The following PDE3B variants were observed in gnomAD, a reference collection of about 807,000 sequenced individuals.
The protein encoded by PDE3B is cGMP-inhibited 3',5'-cyclic phosphodiesterase 3B.
In PDE3B, 66 loss-of-function variants were observed where a neutral mutation model predicts 116.8. That is an observed-to-expected ratio of 0.56 (90% CI 0.46 to 0.69). The LOEUF is 0.69. Ranked by LOEUF, PDE3B falls within the 30% of genes least tolerant of loss-of-function variation. PDE3B has a pLI of 0.00. For synonymous variants in PDE3B, 595 were observed against 533.6 expected (o/e 1.12, Z -1.59); for missense variants, 1,384 against 1,368.1 (o/e 1.01, Z -0.18).
At chr11:14,733,746 G>A (rs528603948) in intron 1 of PDE3B, among the ~76,000 whole-genome samples, 46 of 152,156 alleles carry the variant, frequency 3.0e-4, no homozygotes, top group Admixed American at 2.9e-3. Flanking sequence ...AAAGAAAAAA[G>A]GTAGGAAAGA....
chr11:14,893,240 G>A, the PDE3B span, among the ~76,000 whole-genome samples: 17 of 152,206 alleles, frequency 1.1e-4, no homozygotes, highest in Non-Finnish European at 2.4e-4. Flanking sequence ...GAAGAGCAAT[G>A]ACATGGAAAT....
intron 1 of PDE3B, among the ~76,000 whole-genome samples, chr11:14,738,979 G>C (rs1261072333): frequency 6.6e-6 from 1 of 152,186 alleles, no homozygotes; most frequent in Non-Finnish European, 1.5e-5. Context: ...TTTGGTACTA[G>C]TACCATGCTG....
chr11:14,857,518 A>G (rs1434695835), intron 12 of PDE3B, among the ~76,000 whole-genome samples: 5 of 151,992 alleles, frequency 3.3e-5, no homozygotes, highest in African/African-American at 7.3e-5. Flanking sequence ...TACTCTTCAT[A>G]TAGGCTTTTT....
rs1859396490 is a variant in PDE3B at position 14,818,302 on chromosome 11, A to C, written c.1642A>C (p.Ser548Arg). 1.1e-5 allele frequency: 18 copies of C among 1,613,458 alleles called. No individual in the cohort carries two copies. The highest frequency in any genetic ancestry group is 1.4e-5 in the Non-Finnish European group (17 of 1,179,544). Residue 548 changes from serine (S) to arginine (R), a missense_variant, in exon 6 of 16, where the codon AGC becomes CGC. By Grantham distance (110) the Ser-to-Arg change is moderately radical. Coordinates refer to ENST00000282096, the MANE Select transcript of PDE3B (RefSeq NM_000922.4). ...PDTADFLNKPSVILQRSLGNA... is the reference protein window; with the variant it reads ...PDTADFLNKPRVILQRSLGNA... ...TACTGCTGATTTTCTTAATAAGCCA[A>C]GCGTTATCTTGCAGAGATCTCTGGG...
chr11:14,872,093 G>T (rs1291252446), downstream of PDE3B: 2 of 152,092 alleles, frequency 1.3e-5, no homozygotes, highest in Admixed American at 1.3e-4. Context: ...TACTTACTTT[G>T]TTGGTGCTAT....
chr11:14,809,148 A>G (rs947446427), intron 5 of PDE3B, among the ~76,000 whole-genome samples: 1 of 152,198 alleles, frequency 6.6e-6, no homozygotes, highest in South Asian at 2.1e-4. Context: ...TGGCATAGAG[A>G]TATTTCTATT....
chr11:14,702,204 A>C (rs966627319), intron 1 of PDE3B, among the ~76,000 whole-genome samples: 2 of 151,514 alleles, frequency 1.3e-5, no homozygotes, highest in Non-Finnish European at 3.0e-5. Context: ...CATAGTTTTA[A>C]TTTCTTAGAG....
intron 1 of PDE3B, among the ~76,000 whole-genome samples, chr11:14,663,792 G>C (rs1854022078): frequency 6.6e-6 from 1 of 152,236 alleles, no homozygotes; most frequent in South Asian, 2.1e-4. Context: ...AACCTACAAA[G>C]AGACTTAGAC....
intron 14 of PDE3B, 126 bp downstream of exon 14, chr11:14,861,492 A>T: frequency 1.2e-6 from 1 of 834,866 alleles, no homozygotes; most frequent in Non-Finnish European, 1.9e-6. Flanking sequence ...AGGGTTAAAA[A>T]TTGTTGCATT....
intron 14 of PDE3B, among the ~76,000 whole-genome samples, chr11:14,866,433 C>T (rs1457088516): frequency 6.6e-6 from 1 of 152,102 alleles, no homozygotes; most frequent in African/African-American, 2.4e-5. Context: ...ATTATACTGT[C>T]TTTAGATGCC....
chr11:14,871,245 CTTTA>C lies in PDE3B; in HGVS notation c.*1592_*1595del, dbSNP rs1555009033. 3.3e-5 allele frequency: 5 copies of C among 152,244 alleles called. No individual in the cohort carries two copies. Among genetic ancestry groups the C allele is most frequent in the African/African-American group, 2.4e-5 (1 of 41,554 alleles). 9.4% of individuals were successfully genotyped at this position (152,244 alleles called of 1,614,324 possible). ...TGTCAATATTTAATGAATCACTAAG[CTTTA>C]TTTATTAGACGTGTTGAGTGAGTGC... On this transcript the variant is annotated 3_prime_UTR_variant, in exon 16 of 16. Transcript: ENST00000282096.
At chr11:14,885,718 T>C in the PDE3B span, 1 of 1,564,094 alleles carries the variant, frequency 6.4e-7, no homozygotes, top group Non-Finnish European at 8.8e-7. Context: ...AAACTTAAAA[T>C]AAGGAATGTG....
chr11:14,736,579 T>G (rs1477245099), intron 1 of PDE3B, among the ~76,000 whole-genome samples: 1 of 152,230 alleles, frequency 6.6e-6, no homozygotes, highest in Non-Finnish European at 1.5e-5. Context: ...AGAAAAGTAC[T>G]TGATTGATTG....
chr11:14,772,726 G>GA (rs889121212), intron 2 of PDE3B: 6 of 151,818 alleles, frequency 4.0e-5, no homozygotes, highest in Admixed American at 2.0e-4. Context: ...CAGATAAAAT[G>GA]AAAATAGAAG....
chr11:14,745,864 A>T (rs186920721), intron 1 of PDE3B, among the ~76,000 whole-genome samples: 53 of 152,276 alleles, frequency 3.5e-4, no homozygotes, highest in Non-Finnish European at 6.3e-4. Flanking sequence ...CCTGAATCTG[A>T]ATCAGGTAAC....
chr11:14,857,573 A>G (rs1206595748), intron 12 of PDE3B, among the ~76,000 whole-genome samples: 16 of 151,778 alleles, frequency 1.1e-4, no homozygotes, highest in Admixed American at 3.9e-4. Flanking sequence ...ATCCATTCTC[A>G]TTTTCACCAT....
At chr11:14,760,208 A>G (rs1215642353) in intron 1 of PDE3B, among the ~76,000 whole-genome samples, 1 of 152,176 alleles carries the variant, frequency 6.6e-6, no homozygotes, top group Non-Finnish European at 1.5e-5. Flanking sequence ...GGTTGTTTCA[A>G]GTTTTAAGTG....
rs560769577 is a variant in PDE3B, at chr11:14,741,532, C to T, written c.979-30405C>T. Among the ~76,000 whole-genome samples, 6 of 152,124 alleles carry T rather than the reference C, an allele frequency of 3.9e-5. No individual in the cohort carries two copies. The South Asian group carries it at 1.0e-3, about 26-fold the overall frequency. ...AATACAGCACATCAATGGGTCTTGACTCTTTATTCAATTTGCCAGTCCATG... is the reference window on the plus strand; with the variant it reads ...AATACAGCACATCAATGGGTCTTGATTCTTTATTCAATTTGCCAGTCCATG... On this transcript the variant is annotated intron_variant, in intron 1 of 15. Transcript: ENST00000282096.
chr11:14,859,192 C>T lies in PDE3B; in HGVS notation c.2670C>T (p.Ile890=). ...KRFRFLVIEA[I]LATDLKKHFD... The stretch of plus-strand genomic sequence containing the variant: ...TTCGTTTTTTAGTCATTGAAGCAAT[C>T]CTTGCTACGGATCTTAAAAAGCATT... The change falls in exon 13 of 16, where the codon ATC becomes ATT. Residue 890 remains isoleucine, a synonymous_variant. Coordinates refer to ENST00000282096, the MANE Select transcript of PDE3B (RefSeq NM_000922.4). The T allele has an allele frequency of 1.9e-6, 3 of 1,613,498 alleles. No individual in the cohort carries two copies. The highest frequency in any genetic ancestry group is 2.5e-6 in the Non-Finnish European group (3 of 1,179,700).
Sources: gnomAD v4.1 joint callset for allele counts (sites outside exome capture counted in the v4.1 genomes callset) on GRCh38, gnomAD v4.1.1 for gene constraint, MANE v1.5 for transcripts, NCBI Gene and HGNC (gene_info 2026-07-23, HGNC 2026-07-21) for gene names.